DYNC2I1: variants seen among roughly 807,000 people sequenced by gnomAD.
DYNC2I1 encodes the protein dynein 2 intermediate chain 1.
A neutral mutation model predicts 133.4 loss-of-function variants in DYNC2I1; 89 were observed. The observed-to-expected ratio is 0.67, with a 90% CI of 0.56 to 0.80. DYNC2I1 has a LOEUF of 0.80. Ranked by LOEUF, DYNC2I1 falls within the 30% of genes least tolerant of loss-of-function variation. The pLI is 0.00. For missense variants in DYNC2I1, 1,291 were observed against 1,314.5 expected (o/e 0.98, Z 0.28); for synonymous variants, 504 against 484.3 (o/e 1.04, Z -0.54).
At chr7:158,906,480 CAG>C (rs1161353825) in intron 11 of DYNC2I1, among the ~76,000 whole-genome samples, 2 of 152,166 alleles carry the variant, frequency 1.3e-5, no homozygotes, top group Non-Finnish European at 2.9e-5. Context: ...TTTTTTGAGA[CAG>C]AGTTTCACTC....
intron 8 of DYNC2I1, among the ~76,000 whole-genome samples, chr7:158,899,120 T>C (rs1054097032): frequency 3.3e-5 from 5 of 152,248 alleles, no homozygotes; most frequent in African/African-American, 9.6e-5. Flanking sequence ...GCATATAACC[T>C]ATGCATGTTC....
intron 24 of DYNC2I1, among the ~76,000 whole-genome samples, chr7:158,943,767 C>T (rs1851608810): frequency 6.6e-6 from 1 of 152,156 alleles, no homozygotes; most frequent in South Asian, 2.1e-4. Context: ...TCATGGCTTT[C>T]CATGAAGGAG....
At position 158,923,637 on chromosome 7, in the gene DYNC2I1, G is replaced by A. The variant is rs1849315974; in HGVS notation, c.2161G>A (p.Val721Ile). Residue 721 changes from valine to isoleucine, a missense_variant, in exon 17 of 25, where the codon GTT becomes ATT. Coordinates refer to ENST00000407559, the MANE Select transcript of DYNC2I1 (RefSeq NM_018051.5). Reference protein sequence around the residue: ...LLFAGTAHGSVVVWDLREDSR... With the variant: ...LLFAGTAHGSIVVWDLREDSR... Reference sequence around the variant, plus strand: ...GTTTGCCGGAACAGCGCACGGCTCAGTTGTCGTCTGGGATTTGAGAGAAGA... The same window carrying A: ...GTTTGCCGGAACAGCGCACGGCTCAATTGTCGTCTGGGATTTGAGAGAAGA... 2 of 1,613,880 alleles carry A rather than the reference G, an allele frequency of 1.2e-6. No individual in the cohort carries two copies. The highest frequency in any genetic ancestry group is 8.5e-7 in the Non-Finnish European group (1 of 1,179,896).
chr7:158,915,656 G>A (rs1848104590), intron 14 of DYNC2I1, among the ~76,000 whole-genome samples: 1 of 147,646 alleles, frequency 6.8e-6, no homozygotes, highest in South Asian at 2.1e-4. Flanking sequence ...TCGACACGGT[G>A]GTTGACATTA....
chr7:158,926,220 C>G lies in DYNC2I1; in HGVS notation c.2291C>G (p.Pro764Arg). The G allele has an allele frequency of 1.2e-6, 2 of 1,613,604 alleles. No homozygotes were observed. Among genetic ancestry groups the G allele is most frequent in the Non-Finnish European group, 1.7e-6 (2 of 1,179,756 alleles). ...CTTACCTCAGTAAACCACCGAAGCCCTCTTCAAGCAGTAGAACCTATCTCA... is the reference window on the plus strand; with the variant it reads ...CTTACCTCAGTAAACCACCGAAGCCGTCTTCAAGCAGTAGAACCTATCTCA... ...GILTSVNHRS[P>R]LQAVEPISTS... The change falls in exon 18 of 25, where the codon CCT becomes CGT. Residue 764 changes from proline (P) to arginine (R), a missense_variant. Coordinates refer to ENST00000407559, the MANE Select transcript of DYNC2I1 (RefSeq NM_018051.5).
At chr7:158,919,249 A>G (rs1848773386) in intron 15 of DYNC2I1, among the ~76,000 whole-genome samples, 3 of 152,256 alleles carry the variant, frequency 2.0e-5, no homozygotes, top group Non-Finnish European at 4.4e-5. Context: ...GAGAGTGTTC[A>G]GATCAAAGTT....
Position 158,913,052 on chromosome 7 carries a change from A to T in DYNC2I1, c.1658A>T (p.Glu553Val). ...DIQTEEIETR[E>V]VWTQHPGEST... ...CAAACGGAGGAAATAGAGACCAGGGAAGTGTGGACCCAGCACCCGGGAGAA... is the reference window on the plus strand; with the variant it reads ...CAAACGGAGGAAATAGAGACCAGGGTAGTGTGGACCCAGCACCCGGGAGAA... Residue 553 changes from glutamate (E) to valine (V), a missense_variant, in exon 13 of 25, where the codon GAA becomes GTA. Transcript: ENST00000407559. The T allele has an allele frequency of 1.2e-6, 2 of 1,613,624 alleles. No homozygotes were observed. The highest frequency in any genetic ancestry group is 1.7e-6 in the Non-Finnish European group (2 of 1,179,690).
At chr7:158,898,999 A>G (rs1471449630) in intron 8 of DYNC2I1, among the ~76,000 whole-genome samples, 2 of 152,130 alleles carry the variant, frequency 1.3e-5, no homozygotes, top group Non-Finnish European at 2.9e-5. Context: ...GTGTATAAGC[A>G]GACATAAGCA....
intron 11 of DYNC2I1, among the ~76,000 whole-genome samples, chr7:158,909,488 A>G (rs914383218): frequency 7.9e-5 from 12 of 152,184 alleles, no homozygotes; most frequent in African/African-American, 2.9e-4. Context: ...TGAGGATATA[A>G]TGTCATGAAA....
chr7:158,856,576 C>A lies in DYNC2I1; in HGVS notation c.-160C>A. 1 of 707,354 alleles carries A rather than the reference C, an allele frequency of 1.4e-6. No homozygotes were observed. The highest frequency in any genetic ancestry group is 2.0e-6 in the Non-Finnish European group (1 of 510,548). The allele number at this position is 707,354 out of a possible 1,614,324, so 43.8% of individuals were successfully genotyped here. A position where few individuals can be genotyped will look rare whatever the true frequency, so the allele number is the denominator to read the frequency against. On this transcript the variant is annotated 5_prime_UTR_variant, in exon 1 of 25. Coordinates refer to ENST00000407559, the MANE Select transcript of DYNC2I1 (RefSeq NM_018051.5). ...GCGCACTGGGAGAGGCCGCAGGGCA[C>A]GCTGGGCAGTGCTTCTGGGCCCTCT...
chr7:158,874,379 C>G (rs971827559), intron 3 of DYNC2I1, among the ~76,000 whole-genome samples: 7 of 152,160 alleles, frequency 4.6e-5, no homozygotes, highest in Non-Finnish European at 1.0e-4. Flanking sequence ...TGCTATTGGC[C>G]TAATTAATTT....
At chr7:158,908,051 A>T (rs1847022191) in intron 11 of DYNC2I1, among the ~76,000 whole-genome samples, 1 of 152,166 alleles carries the variant, frequency 6.6e-6, no homozygotes. Flanking sequence ...TTAAGAAATG[A>T]AAGGCCGAAA....
At chr7:158,930,567 A>G (rs1282082980) in intron 21 of DYNC2I1, 52 bp downstream of exon 21, 4 of 1,502,196 alleles carry the variant, frequency 2.7e-6, no homozygotes, top group Non-Finnish European at 3.7e-6. Flanking sequence ...TAGAAGGAAA[A>G]TAACATTGGG....
chr7:158,861,613 CGCTTTGACGTA>C (rs1370427778), intron 1 of DYNC2I1, among the ~76,000 whole-genome samples: 6 of 152,150 alleles, frequency 3.9e-5, no homozygotes, highest in South Asian at 2.1e-4. Context: ...AGGCATCTGC[CGCTTTGACGTA>C]GCTTTGACGT....
intron 1 of DYNC2I1, among the ~76,000 whole-genome samples, 168 bp downstream of exon 1, chr7:158,856,918 C>G (rs1841306163): frequency 6.6e-6 from 1 of 151,994 alleles, no homozygotes; most frequent in Non-Finnish European, 1.5e-5. Context: ...GAAACGGAGG[C>G]GCGGCTGGCC....
chr7:158,905,377 G>A (rs1846691063), intron 10 of DYNC2I1: 2 of 253,216 alleles, frequency 7.9e-6, no homozygotes, highest in South Asian at 4.2e-5. Context: ...CAGCCCTCAA[G>A]TGATCCGCCT....
intron 21 of DYNC2I1, 96 bp downstream of exon 21, chr7:158,930,611 G>T: frequency 1.1e-6 from 1 of 940,790 alleles, no homozygotes; most frequent in Non-Finnish European, 1.6e-6. Flanking sequence ...GAGCTTTTGC[G>T]ATGAAGAAGT....
upstream of DYNC2I1, among the ~76,000 whole-genome samples, chr7:158,856,410 C>A (rs1171453676): frequency 1.3e-5 from 2 of 152,246 alleles, no homozygotes; most frequent in Non-Finnish European, 2.9e-5. Flanking sequence ...CCGCTCGGTC[C>A]TCTGCTGCTC....
At chr7:158,857,135 G>A (rs1056877377) in intron 1 of DYNC2I1, among the ~76,000 whole-genome samples, 3 of 152,198 alleles carry the variant, frequency 2.0e-5, no homozygotes, top group African/African-American at 7.2e-5. Flanking sequence ...AATATGACTT[G>A]TCACAGTTTA....
Sources: gnomAD v4.1 joint callset for allele counts (sites outside exome capture counted in the v4.1 genomes callset) on GRCh38, gnomAD v4.1.1 for gene constraint, MANE v1.5 for transcripts, NCBI Gene and HGNC (gene_info 2026-07-23, HGNC 2026-07-21) for gene names.